CACNA2D3: variants seen among roughly 807,000 people sequenced by gnomAD.
CACNA2D3 encodes voltage-dependent calcium channel subunit alpha-2/delta-3.
A neutral mutation model predicts 160.6 loss-of-function variants in CACNA2D3; 60 were observed. The observed-to-expected ratio is 0.37, with a 90% confidence interval of 0.30 to 0.46. The LOEUF (loss-of-function observed/expected upper bound fraction) is 0.46, where lower values mean the gene tolerates loss of function less well. Among genes scored for constraint, CACNA2D3 ranks in the 20% least tolerant of loss-of-function variants. The probability of loss-of-function intolerance (pLI) is 1.00; values close to 1 mark genes in which losing one functional copy is unlikely to be tolerated. For synonymous variants in CACNA2D3, 558 were observed against 492.9 expected, an observed-to-expected ratio of 1.13 and a Z score of -1.75; for missense variants, 1,205 against 1,365.0, an observed-to-expected ratio of 0.88 and a Z score of 1.85.
chr3:55,030,421 T>A (rs546050582), intron 35 of CACNA2D3, among the ~76,000 whole-genome samples: 1 of 152,178 alleles, frequency 6.6e-6, no homozygotes, highest in Non-Finnish European at 1.5e-5. Flanking sequence ...ATTATGGGTA[T>A]GGGGCCAGGT....
intron 11 of CACNA2D3, among the ~76,000 whole-genome samples, chr3:54,689,665 C>G (rs1214878248): frequency 6.6e-6 from 1 of 152,024 alleles, no homozygotes; most frequent in African/African-American, 2.4e-5. Context: ...CTCTCTTAAC[C>G]CTCAACAAGT....
chr3:54,915,422 A>G (rs559153850), intron 27 of CACNA2D3, among the ~76,000 whole-genome samples: 48 of 152,356 alleles, frequency 3.2e-4, no homozygotes, highest in African/African-American at 1.1e-3. Context: ...CTCAGAAACA[A>G]TCAACACTAA....
intron 4 of CACNA2D3, among the ~76,000 whole-genome samples, chr3:54,402,197 A>T (rs1699480523): frequency 6.6e-6 from 1 of 152,190 alleles, no homozygotes; most frequent in Admixed American, 6.5e-5. Flanking sequence ...ACAAAGATAA[A>T]AAACAAGAGA....
At chr3:54,890,615 A>G (rs1700042670) in intron 24 of CACNA2D3, among the ~76,000 whole-genome samples, 1 of 152,214 alleles carries the variant, frequency 6.6e-6, no homozygotes, top group Non-Finnish European at 1.5e-5. Flanking sequence ...AACACGCTCA[A>G]GCATATAGAA....
chr3:54,661,010 C>T (rs1341483795), intron 11 of CACNA2D3, among the ~76,000 whole-genome samples: 1 of 152,202 alleles, frequency 6.6e-6, no homozygotes, highest in Non-Finnish European at 1.5e-5. Flanking sequence ...GTGAATCCTG[C>T]TGCCTGCCGC....
intron 2 of CACNA2D3, among the ~76,000 whole-genome samples, chr3:54,249,022 CATGTA>C (rs1559895522): frequency 1.3e-5 from 2 of 152,110 alleles, no homozygotes; most frequent in African/African-American, 2.4e-5. Flanking sequence ...ATCCTCTTGT[CATGTA>C]ATGTAAGATG....
intron 2 of CACNA2D3, among the ~76,000 whole-genome samples, chr3:54,155,364 C>T (rs1700228218): frequency 6.6e-6 from 1 of 152,166 alleles, no homozygotes. Flanking sequence ...GCTCCATCAC[C>T]ACATCATACA....
intron 4 of CACNA2D3, among the ~76,000 whole-genome samples, chr3:54,428,946 TGACACTAGTAGA>T (rs1186846073): frequency 1.4e-4 from 21 of 152,356 alleles, no homozygotes; most frequent in African/African-American, 5.0e-4. Flanking sequence ...GCTTTGCCCT[TGACACTAGTAGA>T]GATCAGATGC....
At chr3:54,687,476 T>A (rs910176049) in intron 11 of CACNA2D3, among the ~76,000 whole-genome samples, 3 of 151,972 alleles carry the variant, frequency 2.0e-5, no homozygotes, top group Non-Finnish European at 1.5e-5. Context: ...TGGGACAAAT[T>A]TTTCTAAGTT....
rs144949871 is a variant in CACNA2D3, at chr3:54,165,631, C to A, written c.204+42037C>A. ...AAAAAAAAAAAAAAGAAAAATTAGCCAGGTGTGGTGGTGCACACCTGTAGT... is the reference window on the plus strand; with the variant it reads ...AAAAAAAAAAAAAAGAAAAATTAGCAAGGTGTGGTGGTGCACACCTGTAGT... On this transcript the variant is annotated intron_variant, in intron 2 of 37. Coordinates refer to ENST00000474759, the MANE Select transcript of CACNA2D3 (RefSeq NM_018398.3). Among the ~76,000 whole-genome samples, 2,082 of 148,254 alleles carry A rather than the reference C, an allele frequency of 0.014. 118 individuals are homozygous for A. The East Asian group carries it at 0.21, about 15-fold the overall frequency.
At chr3:54,799,475 C>T (rs985331251) in intron 13 of CACNA2D3, among the ~76,000 whole-genome samples, 3 of 151,780 alleles carry the variant, frequency 2.0e-5, no homozygotes, top group Non-Finnish European at 4.4e-5. Flanking sequence ...TCTTGGGGGC[C>T]CGGTATTTCT....
chr3:54,675,075 G>A (rs944230780), intron 11 of CACNA2D3, among the ~76,000 whole-genome samples: 6 of 152,104 alleles, frequency 3.9e-5, no homozygotes, highest in African/African-American at 9.7e-5. Context: ...GACAAAAAGC[G>A]CACCACAGGA....
intron 17 of CACNA2D3, among the ~76,000 whole-genome samples, chr3:54,862,501 G>A (rs1167854097): frequency 6.6e-6 from 1 of 152,130 alleles, no homozygotes; most frequent in Non-Finnish European, 1.5e-5. Flanking sequence ...AGTTGGCTTG[G>A]AAGAAAGAAT....
intron 4 of CACNA2D3, among the ~76,000 whole-genome samples, chr3:54,420,240 A>T (rs977122635): frequency 2.0e-5 from 3 of 152,068 alleles, no homozygotes; most frequent in Admixed American, 6.5e-5. Flanking sequence ...ACACGCCACT[A>T]TGCCCAGCTA....
chr3:54,276,818 G>C (rs1483134446), intron 2 of CACNA2D3, among the ~76,000 whole-genome samples: 2 of 152,108 alleles, frequency 1.3e-5, no homozygotes, highest in South Asian at 4.2e-4. Context: ...CAACTGTTGC[G>C]TCTAAACCCA....
At chr3:55,045,339 C>T (rs919144499) in intron 35 of CACNA2D3, among the ~76,000 whole-genome samples, 2 of 152,156 alleles carry the variant, frequency 1.3e-5, no homozygotes, top group Admixed American at 6.6e-5. Flanking sequence ...CGTGAGCCAC[C>T]GCGTCAAGCC....
chr3:54,694,856 T>G (rs948956128), intron 11 of CACNA2D3, among the ~76,000 whole-genome samples: 1 of 152,176 alleles, frequency 6.6e-6, no homozygotes, highest in African/African-American at 2.4e-5. Flanking sequence ...AAAATAAGGT[T>G]TTCCAGTGAA....
chr3:55,062,662 C>T (rs996543054), intron 35 of CACNA2D3, among the ~76,000 whole-genome samples: 19 of 152,128 alleles, frequency 1.2e-4, no homozygotes, highest in African/African-American at 3.4e-4. Context: ...GAATTGGAGG[C>T]GTCTGTCCTT....
chr3:54,308,597 G>A (rs1237203510), intron 2 of CACNA2D3, among the ~76,000 whole-genome samples: 2 of 152,152 alleles, frequency 1.3e-5, no homozygotes, highest in Non-Finnish European at 2.9e-5. Context: ...TTTATTGTGT[G>A]AAGCCGCTGA....
Sources: gnomAD v4.1 joint callset for allele counts (sites outside exome capture counted in the v4.1 genomes callset) on GRCh38, gnomAD v4.1.1 for gene constraint, MANE v1.5 for transcripts, NCBI Gene and HGNC (gene_info 2026-07-23, HGNC 2026-07-21) for gene names.